Variants in RBFOX1 observed in about 807,000 individuals in gnomAD.
The protein encoded by RBFOX1 is RNA binding protein fox-1 homolog 1.
A neutral mutation model predicts 57.7 loss-of-function variants in RBFOX1; 8 were observed. The observed-to-expected ratio is 0.14, with a 90% confidence interval of 0.08 to 0.25. RBFOX1 has a LOEUF of 0.25. Among genes scored for constraint, RBFOX1 ranks in the 10% least tolerant of loss-of-function variants. The pLI, the probability that RBFOX1 is intolerant of heterozygous loss-of-function variation, is 1.00. For missense variants in RBFOX1, 611 were observed against 548.5 expected (o/e 1.11, Z -1.14); for synonymous variants, 326 against 222.4 (o/e 1.47, Z -4.15).
chr16:7,019,567 G>T (rs1180261297), intron 3 of RBFOX1, among the ~76,000 whole-genome samples: 11 of 152,144 alleles, frequency 7.2e-5, no homozygotes, highest in Admixed American at 7.2e-4. Context: ...TTACTTTACA[G>T]TTCGAATGAA....
intron 1 of RBFOX1, among the ~76,000 whole-genome samples, chr16:6,069,723 G>T (rs112133455): frequency 6.6e-6 from 1 of 151,884 alleles, no homozygotes; most frequent in East Asian, 1.9e-4. Flanking sequence ...GAGGTGGCTC[G>T]CACCTGTAAT....
intron 4 of RBFOX1, among the ~76,000 whole-genome samples, chr16:7,361,029 G>A (rs1212221355): frequency 6.6e-6 from 1 of 152,190 alleles, no homozygotes; most frequent in Non-Finnish European, 1.5e-5. Context: ...ACCCAACCAG[G>A]AAGCTGGCTT....
intron 3 of RBFOX1, among the ~76,000 whole-genome samples, chr16:6,856,548 C>T (rs1343985977): frequency 6.6e-6 from 1 of 152,138 alleles, no homozygotes; most frequent in Non-Finnish European, 1.5e-5. Flanking sequence ...CATGAATGTT[C>T]ATCAAAGAGT....
chr16:7,069,609 A>C (rs2056900068), intron 4 of RBFOX1, among the ~76,000 whole-genome samples: 1 of 152,158 alleles, frequency 6.6e-6, no homozygotes, highest in Admixed American at 6.5e-5. Flanking sequence ...GGTAAGCAAG[A>C]AGCATCATGG....
In RBFOX1 at chr16:7,186,891, C is replaced by G. The variant is rs528601530; in HGVS notation, c.27+134793C>G. On this transcript the variant is annotated intron_variant, in intron 4 of 15. Coordinates refer to ENST00000550418, the MANE Select transcript of RBFOX1 (RefSeq NM_018723.4). ...TAGCTCTCTAGGCCAGGCACAGTGG[C>G]TCACACTTGTAATTTCAGCACTTTG... Among the ~76,000 whole-genome samples, 7 of 149,602 alleles carry G rather than the reference C, an allele frequency of 4.7e-5. No individual in the cohort carries two copies. In the East Asian group the frequency reaches 5.9e-4, roughly 13 times the overall value.
At chr16:7,139,176 C>CTCTCTCTCTCTCTCTGTGTGTG (rs372381673) in intron 4 of RBFOX1, among the ~76,000 whole-genome samples, 25,550 of 145,534 alleles carry the variant, frequency 0.18, 2,393 homozygotes, top group African/African-American at 0.19. Flanking sequence ...CAATCTCTCT[C>CTCTCTCTCTCTCTCTGTGTGTG]TGTGTGTGTG....
intron 8 of RBFOX1, among the ~76,000 whole-genome samples, chr16:7,597,043 G>C (rs987026529): frequency 6.6e-6 from 1 of 151,960 alleles, no homozygotes; most frequent in Non-Finnish European, 1.5e-5. Context: ...AATATTTCTT[G>C]TTTCTGTGTT....
At chr16:7,225,293 A>T (rs1319301159) in intron 4 of RBFOX1, among the ~76,000 whole-genome samples, 1 of 152,050 alleles carries the variant, frequency 6.6e-6, no homozygotes, top group Non-Finnish European at 1.5e-5. Context: ...GTGTTGTGGG[A>T]GGGACTTGAT....
intron 3 of RBFOX1, among the ~76,000 whole-genome samples, chr16:6,677,012 A>T (rs1396582688): frequency 6.6e-6 from 1 of 152,158 alleles, no homozygotes; most frequent in African/African-American, 2.4e-5. Context: ...CCAAAAGACC[A>T]AAAGACTTGA....
intron 3 of RBFOX1, among the ~76,000 whole-genome samples, chr16:5,801,340 TC>T (rs780635170): frequency 1.8e-5 from 2 of 110,370 alleles, no homozygotes; most frequent in African/African-American, 6.6e-5. Flanking sequence ...CCTCCCTCTC[TC>T]TTTTTTTTTT....
chr16:6,062,731 C>G (rs1258528621), intron 1 of RBFOX1, among the ~76,000 whole-genome samples: 1 of 151,586 alleles, frequency 6.6e-6, no homozygotes, highest in East Asian at 1.9e-4. Flanking sequence ...ATCACTATCT[C>G]AAGACATGTA....
At chr16:6,330,795 T>G (rs1179068407) in intron 2 of RBFOX1, among the ~76,000 whole-genome samples, 1 of 152,208 alleles carries the variant, frequency 6.6e-6, no homozygotes, top group East Asian at 1.9e-4. Flanking sequence ...GTGATAAGAA[T>G]GTATGCAGTG....
intron 2 of RBFOX1, among the ~76,000 whole-genome samples, chr16:5,523,506 C>G (rs1185722033): frequency 6.6e-6 from 1 of 151,876 alleles, no homozygotes; most frequent in East Asian, 1.9e-4. Flanking sequence ...GTCCCAGCTA[C>G]TAGGGAGGCT....
intron 1 of RBFOX1, among the ~76,000 whole-genome samples, chr16:6,267,607 T>C (rs1483911337): frequency 6.6e-6 from 1 of 152,206 alleles, no homozygotes; most frequent in East Asian, 1.9e-4. Flanking sequence ...TCTGAAGGTA[T>C]GGGTGGAAGA....
chr16:6,881,725 C>T (rs188806313), intron 3 of RBFOX1, among the ~76,000 whole-genome samples: 2 of 152,132 alleles, frequency 1.3e-5, no homozygotes, highest in Admixed American at 6.5e-5. Flanking sequence ...GACAATTTAA[C>T]ACATCACACT....
At chr16:6,685,633 T>C (rs1403860764) in intron 3 of RBFOX1, among the ~76,000 whole-genome samples, 1 of 151,972 alleles carries the variant, frequency 6.6e-6, no homozygotes, top group African/African-American at 2.4e-5. Flanking sequence ...CCAGACATCA[T>C]TTGCTAGTTA....
chr16:5,663,520 A>G (rs568081501), intron 3 of RBFOX1, among the ~76,000 whole-genome samples: 1 of 152,288 alleles, frequency 6.6e-6, no homozygotes, highest in Non-Finnish European at 1.5e-5. Flanking sequence ...ATCCTATTGA[A>G]TAGCCAATTG....
intron 1 of RBFOX1, among the ~76,000 whole-genome samples, chr16:5,391,890 T>TATAC (rs1555506711): frequency 2.2e-4 from 32 of 147,242 alleles, no homozygotes; most frequent in Admixed American, 3.4e-4. Context: ...TGTGTGTGTA[T>TATAC]ACACACACAC....
At position 6,019,299 on chromosome 16, in the gene RBFOX1, ACCT is replaced by A; in HGVS notation, c.-816_-814del. ...CTCCCGAGCGCGGGGTTTGAAGGTC[ACCT>A]CCTTTCCAGTCCCCGTGCGAGCCGC... On this transcript the variant is annotated 5_prime_UTR_variant, in exon 1 of 16. Coordinates refer to ENST00000550418, the MANE Select transcript of RBFOX1 (RefSeq NM_018723.4). The surrounding 1 kb of genome is among the most constrained non-coding windows in gnomAD (Gnocchi z 4.2). 1 of 983,880 alleles carries A rather than the reference ACCT, an allele frequency of 1.0e-6. No individual in the cohort carries two copies. Among genetic ancestry groups the A allele is most frequent in the Non-Finnish European group, 1.2e-6 (1 of 829,794 alleles). The allele number at this position is 983,880 out of a possible 1,614,324, so 60.9% of individuals were successfully genotyped here. A position where few individuals can be genotyped will look rare whatever the true frequency, so the allele number is the denominator to read the frequency against.
Sources: gnomAD v4.1 joint callset for allele counts (sites outside exome capture counted in the v4.1 genomes callset) on GRCh38, gnomAD v4.1.1 for gene constraint, Gnocchi (gnomAD v3.1) non-coding constraint, MANE v1.5 for transcripts, NCBI Gene and HGNC (gene_info 2026-07-23, HGNC 2026-07-21) for gene names.